Variants in ITFG1 observed in about 807,000 individuals in gnomAD.
The protein encoded by ITFG1 is T-cell immunomodulatory protein.
ITFG1 carries 34 observed loss-of-function variants against 81.8 expected under a neutral mutation model. The ratio of observed to expected loss-of-function variants is 0.42; its 90% CI spans 0.32 to 0.55. The LOEUF (loss-of-function observed/expected upper bound fraction) is 0.55, where lower values mean the gene tolerates loss of function less well. ITFG1 is among the 20% of genes least tolerant of loss of function. The probability of loss-of-function intolerance (pLI) is 0.17; values close to 1 mark genes in which losing one functional copy is unlikely to be tolerated. For synonymous variants in ITFG1, 285 were observed against 270.6 expected (o/e 1.05, Z -0.52); for missense variants, 672 against 755.4 (o/e 0.89, Z 1.29).
chr16:47,413,613 T>G (rs1004597091), intron 6 of ITFG1, among the ~76,000 whole-genome samples: 19 of 152,050 alleles, frequency 1.2e-4, no homozygotes, highest in Admixed American at 5.9e-4. Flanking sequence ...GGAGGATCAC[T>G]TGAACCCAGA....
At chr16:47,170,437 T>C (rs201918366) in intron 14 of ITFG1, among the ~76,000 whole-genome samples, 1 of 152,056 alleles carries the variant, frequency 6.6e-6, no homozygotes, top group Admixed American at 6.6e-5. Flanking sequence ...GAACACTTTT[T>C]TTTTTTTTTG....
chr16:47,424,848 C>G (rs915718569), intron 6 of ITFG1, among the ~76,000 whole-genome samples: 1 of 152,096 alleles, frequency 6.6e-6, no homozygotes, highest in Non-Finnish European at 1.5e-5. Context: ...AGGTGTCTGT[C>G]GGCTCCTGCT....
chr16:47,245,642 C>A (rs1567434329), intron 12 of ITFG1, among the ~76,000 whole-genome samples: 1 of 152,080 alleles, frequency 6.6e-6, no homozygotes, highest in Non-Finnish European at 1.5e-5. Context: ...TTTCTGGGTT[C>A]AATCTGAAAG....
At chr16:47,438,665 C>T (rs767989379) in intron 5 of ITFG1, among the ~76,000 whole-genome samples, 2 of 152,102 alleles carry the variant, frequency 1.3e-5, no homozygotes, top group African/African-American at 2.4e-5. Context: ...AATGGACATC[C>T]ACACAAAAAA....
Position 47,418,734 on chromosome 16 carries a change from G to A in ITFG1, c.655+10070C>T, listed in dbSNP as rs138747522. Reference sequence around the variant, plus strand: ...TCTATTCTGTTCCACTGGTCTTTGTGTCTGTGTTTGTTTTTATACTAGTTC... The same window carrying A: ...TCTATTCTGTTCCACTGGTCTTTGTATCTGTGTTTGTTTTTATACTAGTTC... On this transcript the variant is annotated intron_variant, in intron 6 of 17. Transcript: ENST00000320640. Among the ~76,000 whole-genome samples the A allele has an allele frequency of 1.4e-4, 21 of 152,160 alleles. 1 individual carries two copies. The East Asian group carries it at 3.9e-3, about 28-fold the overall frequency.
chr16:47,335,822 C>T (rs922031993), intron 8 of ITFG1, among the ~76,000 whole-genome samples: 1 of 152,100 alleles, frequency 6.6e-6, no homozygotes, highest in South Asian at 2.1e-4. Flanking sequence ...AAATGTTAAG[C>T]ATACACTTAT....
intron 14 of ITFG1, among the ~76,000 whole-genome samples, chr16:47,217,588 T>A (rs527779869): frequency 6.6e-6 from 1 of 152,354 alleles, no homozygotes; most frequent in East Asian, 1.9e-4. Flanking sequence ...ATTATCTATA[T>A]CCTTATTTAT....
At chr16:47,442,430 C>T (rs1285671077) in intron 5 of ITFG1, among the ~76,000 whole-genome samples, 2 of 152,060 alleles carry the variant, frequency 1.3e-5, no homozygotes, top group Non-Finnish European at 2.9e-5. Flanking sequence ...CAAAAAAGAG[C>T]CCGCATTGCC....
chr16:47,244,500 T>C (rs1370267022), intron 12 of ITFG1, among the ~76,000 whole-genome samples: 2 of 152,160 alleles, frequency 1.3e-5, no homozygotes. Context: ...TAAAATATTC[T>C]GTGTTGTAGT....
intron 8 of ITFG1, among the ~76,000 whole-genome samples, chr16:47,316,263 T>C (rs553197041): frequency 1.6e-4 from 24 of 152,358 alleles, no homozygotes; most frequent in African/African-American, 5.5e-4. Flanking sequence ...TAATTTATAC[T>C]TAAAGTTGCA....
At chr16:47,437,692 T>C (rs1429721223) in intron 5 of ITFG1, among the ~76,000 whole-genome samples, 6 of 152,124 alleles carry the variant, frequency 3.9e-5, no homozygotes, top group Non-Finnish European at 7.4e-5. Context: ...AAATGTTCCA[T>C]AATAAAATGT....
intron 5 of ITFG1, among the ~76,000 whole-genome samples, chr16:47,445,883 C>T (rs1394081830): frequency 1.3e-5 from 2 of 151,962 alleles, no homozygotes; most frequent in Admixed American, 6.6e-5. Flanking sequence ...CCCCTTGTAC[C>T]CCTGTGATGG....
intron 14 of ITFG1, among the ~76,000 whole-genome samples, chr16:47,214,311 C>G (rs992781597): frequency 6.6e-6 from 1 of 152,154 alleles, no homozygotes; most frequent in African/African-American, 2.4e-5. Flanking sequence ...GATATATTAA[C>G]AAATAGTAAC....
At chr16:47,268,585 G>A (rs1158632492) in intron 10 of ITFG1, among the ~76,000 whole-genome samples, 3 of 152,246 alleles carry the variant, frequency 2.0e-5, no homozygotes, top group East Asian at 3.9e-4. Context: ...GGATAGATGC[G>A]GTGTTTTAAA....
intron 6 of ITFG1, among the ~76,000 whole-genome samples, chr16:47,389,162 C>T (rs1035912924): frequency 2.6e-5 from 4 of 151,912 alleles, no homozygotes; most frequent in East Asian, 1.9e-4. Flanking sequence ...CTGACTGTCC[C>T]GCAACAACCT....
chr16:47,304,049 A>G (rs1314451608), intron 10 of ITFG1, among the ~76,000 whole-genome samples: 3 of 152,230 alleles, frequency 2.0e-5, no homozygotes, highest in Non-Finnish European at 4.4e-5. Flanking sequence ...ATTTTAACTT[A>G]CATGTTTTAA....
At chr16:47,207,412 A>C (rs1452913054) in intron 14 of ITFG1, among the ~76,000 whole-genome samples, 1 of 152,220 alleles carries the variant, frequency 6.6e-6, no homozygotes, top group African/African-American at 2.4e-5. Flanking sequence ...TGGAGGTACC[A>C]CACAATAAAA....
chr16:47,214,002 T>C (rs571756363), intron 14 of ITFG1, among the ~76,000 whole-genome samples: 21 of 152,348 alleles, frequency 1.4e-4, no homozygotes, highest in African/African-American at 5.0e-4. Flanking sequence ...CCTGGACTTG[T>C]GATTGGCATC....
At chr16:47,199,741 A>G (rs1965402012) in intron 14 of ITFG1, among the ~76,000 whole-genome samples, 1 of 152,114 alleles carries the variant, frequency 6.6e-6, no homozygotes, top group Non-Finnish European at 1.5e-5. Flanking sequence ...TTTTATTTCT[A>G]TTGTTATTAC....
Sources: allele counts gnomAD v4.1 joint callset (sites outside exome capture counted in the v4.1 genomes callset), GRCh38; gene constraint gnomAD v4.1.1; transcripts MANE v1.5; gene names NCBI Gene and HGNC (gene_info 2026-07-23, HGNC 2026-07-21).